Variants in CHODL observed in about 807,000 individuals in gnomAD.
CHODL encodes the protein chondrolectin.
A neutral mutation model predicts 34.5 loss-of-function variants in CHODL; 29 were observed. The ratio of observed to expected loss-of-function variants is 0.84; its 90% CI spans 0.63 to 1.15. The LOEUF is 1.15. Ranked by LOEUF, CHODL falls within the 50% of genes most tolerant of loss-of-function variation. The pLI is 0.00. For missense variants in CHODL, 332 were observed against 332.5 expected (o/e 1.00, Z 0.01); for synonymous variants, 125 against 116.1 (o/e 1.08, Z -0.49).
At chr21:18,058,925 A>G (rs2064619645) in intron 2 of CHODL, among the ~76,000 whole-genome samples, 1 of 152,128 alleles carries the variant, frequency 6.6e-6, no homozygotes, top group Non-Finnish European at 1.5e-5. Context: ...AGGCAGTCTT[A>G]TCAGTGCTCC....
chr21:17,964,650 A>AT (rs1264948961), intron 1 of CHODL, among the ~76,000 whole-genome samples: 3 of 152,232 alleles, frequency 2.0e-5, no homozygotes, highest in Admixed American at 1.3e-4. Flanking sequence ...TCCCAGACAA[A>AT]TAATTCCTGG....
Position 18,064,538 on chromosome 21 carries a change from C to G in CHODL, c.-45+36567C>G, listed in dbSNP as rs140362163. Among the ~76,000 whole-genome samples the G allele has an allele frequency of 7.2e-3, 1,103 of 152,244 alleles. 6 individuals carry two copies. The highest frequency in any genetic ancestry group is 0.013 in the Non-Finnish European group (863 of 68,024). On this transcript the variant is annotated intron_variant, in intron 2 of 6. Transcript: ENST00000400127. ...CTTTGAACTGGGACATTGGTCTTTTCCTGCCTTTGTACTTGAACTGAAATA... is the reference window on the plus strand; with the variant it reads ...CTTTGAACTGGGACATTGGTCTTTTGCTGCCTTTGTACTTGAACTGAAATA...
At chr21:18,215,568 A>G (rs2073818795) in intron 2 of CHODL, among the ~76,000 whole-genome samples, 1 of 152,182 alleles carries the variant, frequency 6.6e-6, no homozygotes, top group Non-Finnish European at 1.5e-5. Context: ...TTGAGTTGAA[A>G]TATATACTTA....
At chr21:17,930,816 C>G (rs1915073156) in intron 1 of CHODL, among the ~76,000 whole-genome samples, 1 of 152,320 alleles carries the variant, frequency 6.6e-6, no homozygotes, top group East Asian at 1.9e-4. Context: ...CATTCCCCCT[C>G]TCTCTATGAA....
chr21:18,146,380 G>C (rs142015629), intron 2 of CHODL, among the ~76,000 whole-genome samples: 15 of 152,146 alleles, frequency 9.9e-5, no homozygotes, highest in African/African-American at 3.4e-4. Flanking sequence ...AATCTGAATT[G>C]TAATACCCAC....
intron 2 of CHODL, among the ~76,000 whole-genome samples, chr21:18,108,810 T>C (rs2065308113): frequency 6.6e-6 from 1 of 151,378 alleles, no homozygotes; most frequent in Non-Finnish European, 1.5e-5. Flanking sequence ...GATTATAGTT[T>C]TTTCTCAGAT....
At chr21:18,211,245 T>C (rs568428479) in intron 2 of CHODL, among the ~76,000 whole-genome samples, 1 of 152,142 alleles carries the variant, frequency 6.6e-6, no homozygotes, top group African/African-American at 2.4e-5. Context: ...TAAAATGTGT[T>C]TTAATTACAT....
intron 1 of CHODL, among the ~76,000 whole-genome samples, chr21:17,917,779 C>A (rs776443533): frequency 2.0e-5 from 3 of 152,036 alleles, no homozygotes; most frequent in Non-Finnish European, 4.4e-5. Context: ...AAGAGTAGAT[C>A]TACAGGAGGT....
chr21:18,242,432 GA>G (rs57589418), upstream of CHODL, among the ~76,000 whole-genome samples: 6,950 of 151,002 alleles, frequency 0.046, 510 homozygotes, highest in African/African-American at 0.16. Context: ...TATTGTATGG[GA>G]AAAAAAAGGA....
intron 1 of CHODL, among the ~76,000 whole-genome samples, chr21:17,978,751 CAAACAG>C (rs2063690944): frequency 2.7e-5 from 4 of 149,472 alleles, no homozygotes; most frequent in Non-Finnish European, 5.9e-5. Context: ...AAAAAACAAA[CAAACAG>C]AAAAAAGATG....
chr21:18,148,845 A>G (rs889014279), intron 2 of CHODL, among the ~76,000 whole-genome samples: 6 of 151,658 alleles, frequency 4.0e-5, no homozygotes, highest in African/African-American at 1.5e-4. Flanking sequence ...TATTTCAAAT[A>G]TACCCCACAT....
chr21:18,154,176 G>A (rs1161812973), intron 2 of CHODL, among the ~76,000 whole-genome samples: 1 of 152,090 alleles, frequency 6.6e-6, no homozygotes, highest in Admixed American at 6.6e-5. Flanking sequence ...ATGTAAAAAG[G>A]CTTATGTATT....
At chr21:18,033,916 T>C (rs1334360306) in intron 2 of CHODL, among the ~76,000 whole-genome samples, 3 of 152,016 alleles carry the variant, frequency 2.0e-5, no homozygotes, top group Admixed American at 2.0e-4. Flanking sequence ...CTCACAAAAA[T>C]ACTTTAAAAA....
chr21:18,212,553 T>C (rs2073784667), intron 2 of CHODL, among the ~76,000 whole-genome samples: 1 of 135,110 alleles, frequency 7.4e-6, no homozygotes, highest in African/African-American at 3.2e-5. Context: ...GATGTACAAA[T>C]TTATTAAACT....
At chr21:17,998,336 G>T (rs1410570251) in intron 1 of CHODL, among the ~76,000 whole-genome samples, 1 of 152,164 alleles carries the variant, frequency 6.6e-6, no homozygotes, top group Non-Finnish European at 1.5e-5. Flanking sequence ...CTGCTTTCAT[G>T]GGCTGGCATT....
At chr21:18,111,087 A>G (rs205677) in intron 2 of CHODL, among the ~76,000 whole-genome samples, 122,187 of 152,112 alleles carry the variant, frequency 0.8, 49,212 homozygotes, top group East Asian at 0.9. Flanking sequence ...ACAGACTTCT[A>G]TTGAGTTTTC....
intron 2 of CHODL, among the ~76,000 whole-genome samples, chr21:18,063,202 G>C (rs1057118430): frequency 6.6e-6 from 1 of 152,148 alleles, no homozygotes; most frequent in African/African-American, 2.4e-5. Flanking sequence ...ATGAATCCCT[G>C]AGGAACAAAG....
rs952548400 is a variant in CHODL at position 17,923,053 on chromosome 21, C to A, written c.-145+5653C>A. ...TAGATAAGAAACAAATGGTTACATT[C>A]TTTTGAGTTTCTGATTAGCCCCTCC... is the stretch of plus-strand genomic sequence containing the variant. On this transcript the variant is annotated intron_variant, in intron 1 of 6. Coordinates refer to the CHODL transcript ENST00000400127. 5.3e-5 allele frequency among the ~76,000 whole-genome samples: 8 copies of A among 152,190 alleles called. No homozygotes were observed. The East Asian group carries it at 9.6e-4, about 18-fold the overall frequency.
At chr21:18,072,577 G>A (rs1193342739) in intron 2 of CHODL, among the ~76,000 whole-genome samples, 1 of 152,064 alleles carries the variant, frequency 6.6e-6, no homozygotes, top group Non-Finnish European at 1.5e-5. Context: ...TGCAATGAGA[G>A]TAAAATTAAA....
Sources: allele counts gnomAD v4.1 joint callset (sites outside exome capture counted in the v4.1 genomes callset), GRCh38; gene constraint gnomAD v4.1.1; transcripts MANE v1.5; gene names NCBI Gene and HGNC (gene_info 2026-07-23, HGNC 2026-07-21).